RASGRF2: variants seen among roughly 807,000 people sequenced by gnomAD.
RASGRF2 encodes ras-specific guanine nucleotide-releasing factor 2.
RASGRF2 carries 76 observed loss-of-function variants against 151.0 expected under a neutral mutation model. The observed-to-expected ratio is 0.50, with a 90% CI of 0.42 to 0.61. The LOEUF (loss-of-function observed/expected upper bound fraction) is 0.61, where lower values mean the gene tolerates loss of function less well. Among genes scored for constraint, RASGRF2 ranks in the 20% least tolerant of loss-of-function variants. The pLI, the probability that RASGRF2 is intolerant of heterozygous loss-of-function variation, is 0.00. For missense variants in RASGRF2, 1,148 were observed against 1,564.6 expected, an observed-to-expected ratio of 0.73 and a Z score of 4.49; for synonymous variants, 504 against 566.5, an observed-to-expected ratio of 0.89 and a Z score of 1.57.
chr5:81,065,578 G>C (rs1223879957), intron 2 of RASGRF2, among the ~76,000 whole-genome samples: 1 of 152,156 alleles, frequency 6.6e-6, no homozygotes, highest in Non-Finnish European at 1.5e-5. Context: ...AAGAGGAGGA[G>C]CCTAACTTCA....
chr5:81,185,873 A>C (rs939308776), intron 18 of RASGRF2, among the ~76,000 whole-genome samples: 1 of 152,240 alleles, frequency 6.6e-6, no homozygotes, highest in Non-Finnish European at 1.5e-5. Context: ...CACCATTCTT[A>C]TAAGCAAAAA....
At chr5:81,162,850 T>A (rs900199463) in intron 17 of RASGRF2, among the ~76,000 whole-genome samples, 1 of 152,180 alleles carries the variant, frequency 6.6e-6, no homozygotes, top group African/African-American at 2.4e-5. Context: ...TGAGCTAATT[T>A]CCGTGGGAAG....
chr5:81,154,798 A>G (rs932212267), intron 17 of RASGRF2, among the ~76,000 whole-genome samples: 1 of 152,220 alleles, frequency 6.6e-6, no homozygotes, highest in Admixed American at 6.5e-5. Flanking sequence ...ATATATACAC[A>G]CAGTAATGGG....
At chr5:81,124,425 G>A (rs1023430140) in intron 16 of RASGRF2, among the ~76,000 whole-genome samples, 1 of 152,184 alleles carries the variant, frequency 6.6e-6, no homozygotes, top group Non-Finnish European at 1.5e-5. Flanking sequence ...TCTCAGTGCT[G>A]GGTTTACCAA....
chr5:81,158,019 G>A (rs530127299), intron 17 of RASGRF2, among the ~76,000 whole-genome samples: 17 of 152,280 alleles, frequency 1.1e-4, no homozygotes, highest in African/African-American at 3.1e-4. Flanking sequence ...TTTGTTTTTG[G>A]TAGGGTGCTA....
intron 15 of RASGRF2, among the ~76,000 whole-genome samples, chr5:81,123,306 A>T (rs538576888): frequency 3.1e-4 from 47 of 152,150 alleles, no homozygotes; most frequent in Admixed American, 2.0e-3. Flanking sequence ...TTGACCTGAC[A>T]AAGTTATCTT....
chr5:81,080,575 G>A (rs770861483), intron 6 of RASGRF2, 21 bp from the exon 7 acceptor site: 88 of 1,599,374 alleles, frequency 5.5e-5, no homozygotes, highest in Admixed American at 2.3e-4. Context: ...GGAAACAGCC[G>A]TGTTTACTGT....
At chr5:81,061,093 T>C (rs925180361) in intron 2 of RASGRF2, among the ~76,000 whole-genome samples, 1 of 152,186 alleles carries the variant, frequency 6.6e-6, no homozygotes, top group Admixed American at 6.5e-5. Context: ...GTATGTGCCA[T>C]TATGTTATGA....
intron 25 of RASGRF2, 78 bp downstream of exon 25, chr5:81,217,551 T>C: frequency 5.2e-6 from 5 of 969,150 alleles, no homozygotes; most frequent in Admixed American, 3.2e-5. Flanking sequence ...TAAAAGTCAA[T>C]GTCTGCTTTT....
chr5:81,097,025 G>A (rs771326209), intron 12 of RASGRF2, among the ~76,000 whole-genome samples: 4 of 151,698 alleles, frequency 2.6e-5, no homozygotes, highest in Non-Finnish European at 5.9e-5. Context: ...GCAGTGGTGC[G>A]ATCTCAGCTC....
rs564506131 is a variant in RASGRF2 at position 81,055,953 on chromosome 5, A to T, written c.396-12079A>T. ...ATAGTATTCTCTGGTGGTAGTTTGT[A>T]TTTCTGTGGGATCAGTGATATCCCC... On this transcript the variant is annotated intron_variant, in intron 2 of 26. Transcript: ENST00000265080. Among the ~76,000 whole-genome samples, 4 of 152,124 alleles carry T rather than the reference A, an allele frequency of 2.6e-5. No homozygotes were observed. In the South Asian group the frequency reaches 8.3e-4, roughly 32 times the overall value.
chr5:81,084,388 C>A (rs1752169238), intron 7 of RASGRF2, among the ~76,000 whole-genome samples: 1 of 152,186 alleles, frequency 6.6e-6, no homozygotes, highest in Admixed American at 6.5e-5. Flanking sequence ...GAGACTTCAT[C>A]AAGTGGGACA....
chr5:81,215,429 C>A (rs2112740713), intron 23 of RASGRF2, among the ~76,000 whole-genome samples: 1 of 152,112 alleles, frequency 6.6e-6, no homozygotes. Flanking sequence ...TGCCACCATA[C>A]CCGACTAATT....
At chr5:81,009,532 C>T (rs1008417689) in intron 1 of RASGRF2, among the ~76,000 whole-genome samples, 22 of 152,168 alleles carry the variant, frequency 1.4e-4, no homozygotes, top group African/African-American at 4.8e-4. Flanking sequence ...AGTCTAAAAA[C>T]AAACTTCCAT....
Position 81,039,559 on chromosome 5 carries a change from G to T in RASGRF2, c.289-3318G>T, listed in dbSNP as rs1168724113. Among the ~76,000 whole-genome samples, 3 of 151,970 alleles carry T rather than the reference G, an allele frequency of 2.0e-5. No homozygotes were observed. The East Asian group carries it at 5.8e-4, about 29-fold the overall frequency. ...AAAATGTAAAGTGCCCCATTACATT[G>T]GATTTTAAACTGGCTGTCATTAATA... On this transcript the variant is annotated intron_variant, in intron 1 of 26. Transcript: ENST00000265080.
At chr5:81,060,989 C>T (rs1751413193) in intron 2 of RASGRF2, among the ~76,000 whole-genome samples, 1 of 151,910 alleles carries the variant, frequency 6.6e-6, no homozygotes, top group East Asian at 1.9e-4. Context: ...TAATTTTCTC[C>T]CTCTGTGTAT....
intron 1 of RASGRF2, among the ~76,000 whole-genome samples, chr5:81,010,711 T>A (rs938822438): frequency 6.6e-6 from 1 of 152,222 alleles, no homozygotes; most frequent in African/African-American, 2.4e-5. Flanking sequence ...GAAAATGTAT[T>A]TTTAATATTA....
At chr5:81,125,194 GCATTTT>G (rs1171636178) in intron 16 of RASGRF2, among the ~76,000 whole-genome samples, 2 of 152,080 alleles carry the variant, frequency 1.3e-5, no homozygotes, top group African/African-American at 4.8e-5. Context: ...GCCTATAAAG[GCATTTT>G]TGACTCTCAT....
Position 80,966,435 on chromosome 5 carries a change from G to A in RASGRF2, c.288+5409G>A, listed in dbSNP as rs6882098. On this transcript the variant is annotated intron_variant, in intron 1 of 26. Transcript: ENST00000265080. ...ATGATATTTGTTAAATATCAACATA[G>A]CACTGTGATAAATGTTTGATTATTT... Among the ~76,000 whole-genome samples, 786 of 152,038 alleles carry A rather than the reference G, an allele frequency of 5.2e-3. 12 individuals are homozygous for A. The highest frequency in any genetic ancestry group is 0.018 in the African/African-American group (757 of 41,468).
Sources: gnomAD v4.1 joint callset for allele counts (sites outside exome capture counted in the v4.1 genomes callset) on GRCh38, gnomAD v4.1.1 for gene constraint, MANE v1.5 for transcripts, NCBI Gene and HGNC (gene_info 2026-07-23, HGNC 2026-07-21) for gene names.